RARB: variants seen among roughly 807,000 people sequenced by gnomAD.
The protein encoded by RARB is HBV-activated protein.
Under a neutral mutation model 51.9 loss-of-function variants are expected in RARB, and 17 were observed. The observed-to-expected ratio is 0.33, with a 90% CI of 0.22 to 0.49. The LOEUF is 0.49. Ranked by LOEUF, RARB falls within the 20% of genes least tolerant of loss-of-function variation. The pLI is 0.99. For missense variants in RARB, 369 were observed against 550.8 expected, an observed-to-expected ratio of 0.67 and a Z score of 3.30; for synonymous variants, 215 against 195.4, an observed-to-expected ratio of 1.10 and a Z score of -0.84.
intron 3 of RARB, among the ~76,000 whole-genome samples, chr3:25,091,043 G>A (rs926363837): frequency 6.6e-6 from 1 of 152,144 alleles, no homozygotes; most frequent in African/African-American, 2.4e-5. Context: ...TTGGGGAATG[G>A]GTTTTTCTAT....
intron 3 of RARB, among the ~76,000 whole-genome samples, chr3:25,564,497 G>A (rs568174669): frequency 2.0e-5 from 3 of 152,226 alleles, no homozygotes; most frequent in East Asian, 1.9e-4. Context: ...TGATTCCCCC[G>A]CAGACCCCAA....
chr3:24,863,759 A>G (rs1702798515), intron 2 of RARB, among the ~76,000 whole-genome samples: 1 of 149,784 alleles, frequency 6.7e-6, no homozygotes, highest in African/African-American at 2.5e-5. Flanking sequence ...TCCTCCTGTC[A>G]TTAGACTAAC....
At chr3:25,053,153 G>A (rs1177430442) in intron 2 of RARB, among the ~76,000 whole-genome samples, 7 of 152,168 alleles carry the variant, frequency 4.6e-5, no homozygotes, top group Non-Finnish European at 7.4e-5. Flanking sequence ...TTGAAGCGAC[G>A]TAATTAACCT....
chr3:25,281,087 T>C (rs1448021575), intron 5 of RARB, among the ~76,000 whole-genome samples: 5 of 152,174 alleles, frequency 3.3e-5, no homozygotes, highest in African/African-American at 1.2e-4. Flanking sequence ...GAAAAATGAA[T>C]CCTCACTACA....
intron 2 of RARB, among the ~76,000 whole-genome samples, chr3:24,929,889 A>T (rs1175829910): frequency 6.6e-6 from 1 of 152,146 alleles, no homozygotes; most frequent in Non-Finnish European, 1.5e-5. Context: ...AGTAATTCTT[A>T]ACAATTACAA....
intron 2 of RARB, among the ~76,000 whole-genome samples, chr3:24,968,273 G>C (rs1575096505): frequency 1.3e-5 from 2 of 152,096 alleles, no homozygotes; most frequent in African/African-American, 4.8e-5. Flanking sequence ...TCATAAATCA[G>C]TTTTAAAGGG....
chr3:25,271,676 T>C (rs17016133), intron 5 of RARB, among the ~76,000 whole-genome samples: 15,396 of 152,206 alleles, frequency 0.1, 996 homozygotes, highest in South Asian at 0.26. Flanking sequence ...CTCATTCTCA[T>C]CAGAAACTTT....
intron 2 of RARB, among the ~76,000 whole-genome samples, chr3:24,878,166 T>A (rs760453404): frequency 4.6e-5 from 7 of 152,080 alleles, no homozygotes; most frequent in Non-Finnish European, 8.8e-5. Context: ...CTAGTCCAGC[T>A]TTTGTCCTCA....
At chr3:24,979,849 A>T (rs1394953568) in intron 2 of RARB, among the ~76,000 whole-genome samples, 1 of 152,112 alleles carries the variant, frequency 6.6e-6, no homozygotes. Context: ...CCGTTAATTG[A>T]TGCAGTTTCT....
chr3:25,028,010 C>T (rs1697787948), intron 2 of RARB, among the ~76,000 whole-genome samples: 1 of 152,084 alleles, frequency 6.6e-6, no homozygotes, highest in Non-Finnish European at 1.5e-5. Context: ...ATATGCCTTC[C>T]TAACCATTTC....
chr3:25,325,572 T>C (rs995965261), intron 5 of RARB, among the ~76,000 whole-genome samples: 1 of 152,080 alleles, frequency 6.6e-6, no homozygotes, highest in Non-Finnish European at 1.5e-5. Context: ...GTGGGGGTTT[T>C]TTTTTTAATA....
At chr3:25,195,385 A>C (rs183662617) in intron 5 of RARB, among the ~76,000 whole-genome samples, 14 of 152,084 alleles carry the variant, frequency 9.2e-5, no homozygotes, top group Non-Finnish European at 1.6e-4. Flanking sequence ...ATTTGATGAC[A>C]TTGGATTTGG....
chr3:25,147,709 C>T (rs1040671759), intron 4 of RARB, among the ~76,000 whole-genome samples: 3 of 152,126 alleles, frequency 2.0e-5, no homozygotes, highest in Non-Finnish European at 4.4e-5. Flanking sequence ...CCTAGGCATC[C>T]TCCCATATTA....
At chr3:25,081,351 T>G (rs2125312953) in intron 3 of RARB, among the ~76,000 whole-genome samples, 1 of 151,826 alleles carries the variant, frequency 6.6e-6, no homozygotes, top group Admixed American at 6.6e-5. Flanking sequence ...TATCTCATGG[T>G]GAATGCTCCA....
chr3:24,914,213 C>T (rs1695060124), intron 2 of RARB, among the ~76,000 whole-genome samples: 1 of 152,192 alleles, frequency 6.6e-6, no homozygotes, highest in Non-Finnish European at 1.5e-5. Context: ...TTGTCCAGCA[C>T]CCCTAGTGGT....
At chr3:24,884,573 T>A (rs1184826397) in intron 2 of RARB, among the ~76,000 whole-genome samples, 1 of 152,204 alleles carries the variant, frequency 6.6e-6, no homozygotes, top group Non-Finnish European at 1.5e-5. Flanking sequence ...TTTAAAAATC[T>A]ATTTTAGTGC....
intron 2 of RARB, among the ~76,000 whole-genome samples, chr3:24,960,365 C>T (rs1251637306): frequency 6.6e-6 from 1 of 152,134 alleles, no homozygotes; most frequent in Non-Finnish European, 1.5e-5. Context: ...AGATGTGTTT[C>T]TTGGAAAAAC....
chr3:25,069,973 T>G lies in RARB; in HGVS notation c.-328+9797T>G, dbSNP rs572493746. On this transcript the variant is annotated intron_variant, in intron 3 of 11. Transcript: ENST00000383772. The stretch of plus-strand genomic sequence containing the variant: ...CTGGGTGGCTTAAAACAACAGAAAT[T>G]TGTTGCTGGACAGTTCTGGAGGCTT... Among the ~76,000 whole-genome samples the G allele has an allele frequency of 5.5e-4, 83 of 152,252 alleles. 2 individuals carry two copies. In the Middle Eastern group the frequency reaches 0.014, roughly 25 times the overall value.
rs200971572 is a variant in RARB, at chr3:25,186,842, CT to C, written c.178+12269del. Among the ~76,000 whole-genome samples, 351 of 146,446 alleles carry C rather than the reference CT, an allele frequency of 2.4e-3. 1 individual carries two copies. Among genetic ancestry groups the C allele is most frequent in the East Asian group, 0.021 (103 of 4,914 alleles). On this transcript the variant is annotated intron_variant, in intron 5 of 11. Transcript: ENST00000383772. ...ATTTGTTTAATGTAAGTTATATATG[CT>C]TGGGAACCTTCAGAAATGAAGACCC...
Sources: gnomAD v4.1 joint callset for allele counts (sites outside exome capture counted in the v4.1 genomes callset) on GRCh38, gnomAD v4.1.1 for gene constraint, MANE v1.5 for transcripts, NCBI Gene and HGNC (gene_info 2026-07-23, HGNC 2026-07-21) for gene names.